PREX1: variants seen among roughly 807,000 people sequenced by gnomAD.
The protein encoded by PREX1 is phosphatidylinositol 3,4,5-trisphosphate-dependent Rac exchanger 1 protein.
Under a neutral mutation model 198.3 loss-of-function variants are expected in PREX1, and 41 were observed. The ratio of observed to expected loss-of-function variants is 0.21; its 90% CI spans 0.16 to 0.27. The LOEUF is 0.27. PREX1 is among the 10% of genes least tolerant of loss of function. PREX1 has a pLI of 1.00. For synonymous variants in PREX1, 843 were observed against 887.2 expected (o/e 0.95, Z 0.89); for missense variants, 1,620 against 2,200.7 (o/e 0.74, Z 5.28).
rs2089708279 is a variant in PREX1 at position 48,676,241 on chromosome 20, G to C, written c.1617C>G (p.Tyr539Ter). The change falls in exon 14 of 40, where the codon TAC becomes TAG. Residue 539 changes from tyrosine to a stop codon, truncating the protein, a stop_gained. Coordinates refer to ENST00000371941, the MANE Select transcript of PREX1 (RefSeq NM_020820.4). LOFTEE classifies it high-confidence loss of function. ...IKDRDYHLKT[Y>*]KSVLPGSKLV... The stretch of plus-strand genomic sequence containing the variant: ...GCTTGCTCCCGGGAAGCACTGACTT[G>C]TAGGTCTTCAGGTGGTAATCACGGT... The C allele has an allele frequency of 1.2e-6, 2 of 1,613,966 alleles. No homozygotes were observed.
the PREX1 span, among the ~76,000 whole-genome samples, chr20:48,846,609 C>A: frequency 5.5e-3 from 844 of 152,298 alleles, 3 homozygotes; most frequent in African/African-American, 0.02. Context: ...CCGCTCCTGG[C>A]GGTCAAAGGA....
intron 29 of PREX1, 103 bp downstream of exon 29, chr20:48,642,065 T>C (rs2089417774): frequency 1.7e-6 from 2 of 1,201,008 alleles, no homozygotes; most frequent in Admixed American, 1.9e-5. Context: ...CCTACAGTCG[T>C]TCAGCAGTAG....
At chr20:48,775,478 T>G (rs1281063415) in intron 1 of PREX1, among the ~76,000 whole-genome samples, 1 of 151,928 alleles carries the variant, frequency 6.6e-6, no homozygotes, top group Non-Finnish European at 1.5e-5. Flanking sequence ...GCCTGCTTGG[T>G]GCACAGGGAC....
chr20:48,659,239 A>AGGAC, intron 16 of PREX1, among the ~76,000 whole-genome samples: 2 of 142,060 alleles, frequency 1.4e-5, no homozygotes, highest in Non-Finnish European at 3.1e-5. Flanking sequence ...AAGAAAAGGA[A>AGGAC]GGAAGGAAGG....
the PREX1 span, among the ~76,000 whole-genome samples, chr20:48,872,458 A>G: frequency 3.3e-5 from 5 of 152,128 alleles, no homozygotes; most frequent in Non-Finnish European, 7.4e-5. Context: ...AGAACAAGAT[A>G]AGTGGCCGGG....
intron 25 of PREX1, among the ~76,000 whole-genome samples, chr20:48,647,142 A>G (rs1475651622): frequency 6.6e-6 from 1 of 152,192 alleles, no homozygotes; most frequent in Non-Finnish European, 1.5e-5. Context: ...AGGCAGGAGG[A>G]TCACTTGAGC....
rs111247728 is a variant in PREX1, at chr20:48,723,668, C to G, written c.621+2622G>C. The stretch of plus-strand genomic sequence containing the variant: ...GCCAGGAGAGCAAACCGCAGCCACC[C>G]CATCGCTTTTCCTGCGGGCCATTTC... On this transcript the variant is annotated intron_variant, in intron 5 of 39. Coordinates refer to ENST00000371941, the MANE Select transcript of PREX1 (RefSeq NM_020820.4). 9.5e-4 allele frequency among the ~76,000 whole-genome samples: 144 copies of G among 152,326 alleles called. 2 individuals are homozygous for G. The highest frequency in any genetic ancestry group is 3.2e-3 in the African/African-American group (131 of 41,574).
chr20:48,683,471 T>A (rs1156946850), intron 10 of PREX1, among the ~76,000 whole-genome samples: 1 of 152,240 alleles, frequency 6.6e-6, no homozygotes, highest in Non-Finnish European at 1.5e-5. Context: ...AGTCACCTTC[T>A]GGATTTAGCA....
Position 48,822,977 on chromosome 20 carries a change from G to C in PREX1, c.219+4665C>G, listed in dbSNP as rs545379080. On this transcript the variant is annotated intron_variant, in intron 1 of 39. Coordinates refer to ENST00000371941, the MANE Select transcript of PREX1 (RefSeq NM_020820.4). ...TCCCTAGTGTGAGACTAGGAGTACA[G>C]AATCTTTTAAAACAGAAAAAAAAAT... Among the ~76,000 whole-genome samples the C allele has an allele frequency of 3.3e-5, 5 of 152,122 alleles. No homozygotes were observed. In the East Asian group the frequency reaches 5.8e-4, roughly 18 times the overall value.
At position 48,626,281 on chromosome 20, in the gene PREX1, C is replaced by T. The variant is rs547666944; in HGVS notation, c.4938-354G>A. Among the ~76,000 whole-genome samples, 52 of 152,330 alleles carry T rather than the reference C, an allele frequency of 3.4e-4. 2 individuals carry two copies. The South Asian group carries it at 0.01, about 30-fold the overall frequency. The stretch of plus-strand genomic sequence containing the variant: ...GTTTCACTTGCTCTATCCTGGGAAA[C>T]TCTATATGCAGAGATGGTTTTGGAG... On this transcript the variant is annotated intron_variant, in intron 39 of 39. Coordinates refer to ENST00000371941, the MANE Select transcript of PREX1 (RefSeq NM_020820.4).
At position 48,827,273 on chromosome 20, in the gene PREX1, T is replaced by C. The variant is rs1600539477; in HGVS notation, c.219+369A>G. On this transcript the variant is annotated intron_variant, in intron 1 of 39. Coordinates refer to ENST00000371941, the MANE Select transcript of PREX1 (RefSeq NM_020820.4). This position sits in a 1 kb window ranked among gnomAD's most constrained non-coding sequence, Gnocchi z 4.1. ...GGTGCACCGGGCGCGTAGTTATTCCTGGGAAAAAGACGCAGGAGCGCCAGC... is the reference window on the plus strand; with the variant it reads ...GGTGCACCGGGCGCGTAGTTATTCCCGGGAAAAAGACGCAGGAGCGCCAGC... Among the ~76,000 whole-genome samples, 1 of 152,186 alleles carries C rather than the reference T, an allele frequency of 6.6e-6. No individual in the cohort carries two copies. The highest frequency in any genetic ancestry group is 6.5e-5 in the Admixed American group (1 of 15,290).
At chr20:48,790,664 G>A (rs971668459) in intron 1 of PREX1, among the ~76,000 whole-genome samples, 3 of 152,172 alleles carry the variant, frequency 2.0e-5, no homozygotes, top group Non-Finnish European at 2.9e-5. Context: ...AAGGTGAAGG[G>A]AGGCAGAGAA....
the PREX1 span, among the ~76,000 whole-genome samples, chr20:48,834,520 C>A: frequency 6.6e-6 from 1 of 152,050 alleles, no homozygotes; most frequent in Admixed American, 6.6e-5. Context: ...GCCATTTAAG[C>A]CGCAGCCTGC....
chr20:48,679,691 G>A lies in PREX1; in HGVS notation c.1499C>T (p.Thr500Ile). The A allele has an allele frequency of 6.2e-7, 1 of 1,613,756 alleles. No homozygotes were observed. Among genetic ancestry groups the A allele is most frequent in the Non-Finnish European group, 8.5e-7 (1 of 1,179,646 alleles). The change falls in exon 12 of 40, where the codon ACC becomes ATC. Residue 500 changes from threonine (T) to isoleucine (I), a missense_variant. Transcript: ENST00000371941. ...VMYRFRYDDG[T>I]YKARSELEDI... The stretch of plus-strand genomic sequence containing the variant: ...CTCCAGCTCACTTCGGGCCTTGTAG[G>A]TGCCATCGTCGTAGCGGAAGCGATA...
upstream of PREX1, among the ~76,000 whole-genome samples, chr20:48,831,763 C>A (rs2090537533): frequency 5.3e-5 from 8 of 152,316 alleles, no homozygotes; most frequent in South Asian, 1.7e-3. Context: ...GTTGGTGGCA[C>A]CTCCAGGACT....
chr20:48,690,354 A>C (rs1219152877), intron 9 of PREX1, among the ~76,000 whole-genome samples: 2 of 152,216 alleles, frequency 1.3e-5, no homozygotes, highest in Non-Finnish European at 2.9e-5. Context: ...CCCATTTATC[A>C]GATGAGATCA....
chr20:48,725,228 G>T (rs894323782), intron 5 of PREX1, among the ~76,000 whole-genome samples: 4 of 152,188 alleles, frequency 2.6e-5, no homozygotes, highest in African/African-American at 7.2e-5. Flanking sequence ...CGTGAATGAG[G>T]CCCCACCAGC....
At chr20:48,866,133 G>C in the PREX1 span, among the ~76,000 whole-genome samples, 11 of 152,184 alleles carry the variant, frequency 7.2e-5, no homozygotes, top group African/African-American at 1.7e-4. Flanking sequence ...AGTTTTTGTA[G>C]AGACAAGATC....
At chr20:48,871,767 T>G in the PREX1 span, among the ~76,000 whole-genome samples, 1 of 125,024 alleles carries the variant, frequency 8.0e-6, no homozygotes. Context: ...TATTGTGAAT[T>G]GTGCTTGGTA....
Sources: allele counts gnomAD v4.1 joint callset (sites outside exome capture counted in the v4.1 genomes callset), GRCh38; gene constraint gnomAD v4.1.1; non-coding constraint Gnocchi (gnomAD v3.1); transcripts MANE v1.5; gene names NCBI Gene and HGNC (gene_info 2026-07-23, HGNC 2026-07-21).